Variants in WHRN observed in about 807,000 individuals in gnomAD.
WHRN encodes the protein whirlin.
A neutral mutation model predicts 68.3 loss-of-function variants in WHRN; 41 were observed. The ratio of observed to expected loss-of-function variants is 0.60; its 90% confidence interval spans 0.47 to 0.78. The LOEUF (loss-of-function observed/expected upper bound fraction) is 0.78, where lower values mean the gene tolerates loss of function less well. WHRN is among the 30% of genes least tolerant of loss of function. The pLI, the probability that WHRN is intolerant of heterozygous loss-of-function variation, is 0.00. For missense variants in WHRN, 1,243 were observed against 1,244.7 expected, an observed-to-expected ratio of 1.00 and a Z score of 0.02; for synonymous variants, 560 against 561.3, an observed-to-expected ratio of 1.00 and a Z score of 0.03.
At chr9:114,405,682 T>C (rs1370012423) in intron 9 of WHRN, among the ~76,000 whole-genome samples, 1 of 152,230 alleles carries the variant, frequency 6.6e-6, no homozygotes, top group East Asian at 1.9e-4. Flanking sequence ...GAGCCCTGCA[T>C]TTTGCATCTT....
At chr9:114,487,132 AAT>A (rs1052504595) in intron 1 of WHRN, among the ~76,000 whole-genome samples, 1 of 149,100 alleles carries the variant, frequency 6.7e-6, no homozygotes. Context: ...TAAATTAGTC[AAT>A]ATATATATAA....
At chr9:114,499,163 C>T (rs1843711600) in intron 1 of WHRN, among the ~76,000 whole-genome samples, 1 of 152,166 alleles carries the variant, frequency 6.6e-6, no homozygotes, top group South Asian at 2.1e-4. Flanking sequence ...AGTGCACTTG[C>T]CCCATGATGC....
intron 3 of WHRN, among the ~76,000 whole-genome samples, chr9:114,443,477 C>A (rs1158050228): frequency 2.0e-5 from 3 of 152,178 alleles, no homozygotes; most frequent in Admixed American, 6.5e-5. Context: ...AACCTCGCAC[C>A]AACAAGGCCT....
At chr9:114,407,891 A>C in intron 8 of WHRN, 56 bp downstream of exon 8, 2 of 1,466,306 alleles carry the variant, frequency 1.4e-6, no homozygotes, top group East Asian at 2.4e-5. Flanking sequence ...GGAGAGAGCC[A>C]CCAGGACCTG....
rs1413974305 is a variant in WHRN at position 114,478,588 on chromosome 9, T to C, written c.802A>G (p.Thr268Ala). 1.2e-6 allele frequency: 2 copies of C among 1,613,872 alleles called. No homozygotes were observed. Among genetic ancestry groups the C allele is most frequent in the Non-Finnish European group, 1.7e-6 (2 of 1,179,948 alleles). ...LRQQEGDRRS[T>A]LHLLQGGDEK... is the part of the protein sequence containing the mutation. Reference sequence around the variant, plus strand: ...TCCCCTCCTTGCAGGAGGTGCAGGGTGCTCCTCCGGTCACCCTCCTGCTGC... The same window carrying C: ...TCCCCTCCTTGCAGGAGGTGCAGGGCGCTCCTCCGGTCACCCTCCTGCTGC... Residue 268 changes from threonine (T) to alanine (A), a missense_variant, in exon 2 of 12, where the codon ACC becomes GCC. Coordinates refer to ENST00000362057, the MANE Select transcript of WHRN (RefSeq NM_015404.4).
intron 1 of WHRN, among the ~76,000 whole-genome samples, chr9:114,498,918 G>A (rs528154939): frequency 5.1e-4 from 77 of 152,250 alleles, no homozygotes; most frequent in Middle Eastern, 3.4e-3. Context: ...GTAGGTAATC[G>A]TTAATGTCAG....
chr9:114,479,771 T>C (rs1841958660), intron 1 of WHRN, among the ~76,000 whole-genome samples: 1 of 152,052 alleles, frequency 6.6e-6, no homozygotes, highest in African/African-American at 2.4e-5. Flanking sequence ...GAGTAAGAAG[T>C]TCCTTTCTCA....
chr9:114,480,258 A>T (rs1426981621), intron 1 of WHRN, among the ~76,000 whole-genome samples: 1 of 152,120 alleles, frequency 6.6e-6, no homozygotes, highest in African/African-American at 2.4e-5. Flanking sequence ...AGACGCTTGC[A>T]GCTGAGATGA....
chr9:114,435,952 T>A (rs1268369825), intron 3 of WHRN, among the ~76,000 whole-genome samples: 1 of 152,082 alleles, frequency 6.6e-6, no homozygotes. Flanking sequence ...TTGGAAAGGG[T>A]TCAGCATTAT....
intron 2 of WHRN, among the ~76,000 whole-genome samples, chr9:114,477,569 T>C (rs1263292596): frequency 2.6e-5 from 4 of 151,970 alleles, no homozygotes; most frequent in Non-Finnish European, 4.4e-5. Context: ...CCTCTCCCAC[T>C]GGCTACAGTC....
chr9:114,481,312 A>G (rs558917591), intron 1 of WHRN, among the ~76,000 whole-genome samples: 6 of 152,240 alleles, frequency 3.9e-5, no homozygotes, highest in Non-Finnish European at 8.8e-5. Flanking sequence ...GATAACGAGG[A>G]TGGCGTCTCT....
intron 8 of WHRN, 39 bp downstream of exon 8, chr9:114,407,908 C>T: frequency 6.5e-7 from 1 of 1,549,944 alleles, no homozygotes; most frequent in Non-Finnish European, 8.8e-7. Flanking sequence ...CCTGAGCACA[C>T]CAGGGAGAGC....
chr9:114,424,265 A>G (rs1836592630), intron 6 of WHRN, 69 bp downstream of exon 6: 2 of 1,563,996 alleles, frequency 1.3e-6, no homozygotes, highest in South Asian at 1.1e-5. Context: ...TCAGCAAAGG[A>G]GCGGGGGCAG....
chr9:114,414,257 T>C (rs1370471082), intron 7 of WHRN, among the ~76,000 whole-genome samples: 1 of 152,214 alleles, frequency 6.6e-6, no homozygotes, highest in Non-Finnish European at 1.5e-5. Context: ...GGCTTCACAG[T>C]TACAGCAGTT....
chr9:114,440,588 T>C (rs966403991), intron 3 of WHRN, among the ~76,000 whole-genome samples: 3 of 152,198 alleles, frequency 2.0e-5, no homozygotes, highest in African/African-American at 7.2e-5. Context: ...CCCTTGCAGA[T>C]AATACATGGC....
intron 7 of WHRN, 121 bp downstream of exon 7, chr9:114,423,193 G>T: frequency 9.5e-7 from 1 of 1,049,390 alleles, no homozygotes; most frequent in Non-Finnish European, 1.5e-6. Flanking sequence ...GCTCAGAGAG[G>T]CAAGGCACAC....
rs1184884321 is a variant in WHRN at position 114,481,563 on chromosome 9, T to C, written c.619-2792A>G. 2.6e-5 allele frequency among the ~76,000 whole-genome samples: 4 copies of C among 152,150 alleles called. No homozygotes were observed. The East Asian group carries it at 7.7e-4, about 29-fold the overall frequency. ...GCCTCTGAGGCCACCACATCCTCCATGGCCCCTGTCTTCCTGACCTCTCTT... is the reference window on the plus strand; with the variant it reads ...GCCTCTGAGGCCACCACATCCTCCACGGCCCCTGTCTTCCTGACCTCTCTT... On this transcript the variant is annotated intron_variant, in intron 1 of 11. Transcript: ENST00000362057.
rs148203956 is a variant in WHRN, at chr9:114,417,533, T to C, written c.1626+5781A>G. Among the ~76,000 whole-genome samples the C allele has an allele frequency of 4.9e-3, 747 of 152,368 alleles. 9 individuals carry two copies. The highest frequency in any genetic ancestry group is 0.017 in the African/African-American group (691 of 41,586). ...ATTTTGCACCAGCTCTCGCTGTTTA[T>C]TGGGGAAGGGAAACCCACGAAGAGG... On this transcript the variant is annotated intron_variant, in intron 7 of 11. Transcript: ENST00000362057.
At chr9:114,425,483 A>T (rs1225372365) in intron 4 of WHRN, 1 of 396,538 alleles carries the variant, frequency 2.5e-6, no homozygotes, top group Non-Finnish European at 4.5e-6. Context: ...AGCATCCAGA[A>T]ATCCAGTTTT....
Sources: gnomAD v4.1 joint callset for allele counts (sites outside exome capture counted in the v4.1 genomes callset) on GRCh38, gnomAD v4.1.1 for gene constraint, MANE v1.5 for transcripts, NCBI Gene and HGNC (gene_info 2026-07-23, HGNC 2026-07-21) for gene names.